DIP2C: variants seen among roughly 807,000 people sequenced by gnomAD.
DIP2C encodes DIP2 acetate--CoA ligase C (putative).
In DIP2C, 33 loss-of-function variants were observed where a neutral mutation model predicts 192.4. The observed-to-expected ratio is 0.17, with a 90% CI of 0.13 to 0.23. The LOEUF (loss-of-function observed/expected upper bound fraction) is 0.23, where lower values mean the gene tolerates loss of function less well. DIP2C is among the 10% of genes least tolerant of loss of function. The probability of loss-of-function intolerance (pLI) is 1.00; values close to 1 mark genes in which losing one functional copy is unlikely to be tolerated. For missense variants in DIP2C, 1,537 were observed against 2,110.1 expected, an observed-to-expected ratio of 0.73 and a Z score of 5.32; for synonymous variants, 979 against 864.1, an observed-to-expected ratio of 1.13 and a Z score of -2.33.
intron 5 of DIP2C, among the ~76,000 whole-genome samples, chr10:421,394 C>T (rs1208837203): frequency 6.6e-6 from 1 of 152,182 alleles, no homozygotes; most frequent in Non-Finnish European, 1.5e-5. Context: ...TGAATAAAAT[C>T]CGAGGATACA....
chr10:351,080 C>T (rs578161807), intron 24 of DIP2C, among the ~76,000 whole-genome samples: 12 of 152,188 alleles, frequency 7.9e-5, no homozygotes, highest in Admixed American at 3.3e-4. Context: ...ACAGCGAGCC[C>T]GAGATGGCTG....
intron 1 of DIP2C, among the ~76,000 whole-genome samples, chr10:643,706 G>A (rs535409255): frequency 6.6e-6 from 1 of 152,340 alleles, no homozygotes; most frequent in African/African-American, 2.4e-5. Flanking sequence ...TCACAAGCAG[G>A]CACTGGGCCC....
chr10:277,629 A>AAT (rs1954582433), intron 36 of DIP2C, 52 bp from the exon 37 acceptor site: 2 of 1,594,588 alleles, frequency 1.3e-6, no homozygotes, highest in Non-Finnish European at 1.7e-6. Flanking sequence ...TGCTTTATTT[A>AAT]ATAGCCGTGG....
At chr10:293,110 G>A (rs1955574795) in intron 32 of DIP2C, among the ~76,000 whole-genome samples, 1 of 152,240 alleles carries the variant, frequency 6.6e-6, no homozygotes, top group African/African-American at 2.4e-5. Flanking sequence ...CTGGGGTGGG[G>A]CATCTGATGC....
Position 629,097 on chromosome 10 carries a change from G to C in DIP2C, c.85+60397C>G, listed in dbSNP as rs150271184. ...TGCCGAGGCCAGTGGGGCACTCGCT[G>C]TCTGGGTCTAAGAAAAAGAAAATAA... On this transcript the variant is annotated intron_variant, in intron 1 of 36. Transcript: ENST00000280886. Among the ~76,000 whole-genome samples the C allele has an allele frequency of 9.2e-4, 140 of 152,348 alleles. 1 individual carries two copies. The highest frequency in any genetic ancestry group is 2.4e-3 in the Admixed American group (37 of 15,306).
chr10:409,791 A>G (rs1965064948), intron 8 of DIP2C, among the ~76,000 whole-genome samples: 1 of 152,198 alleles, frequency 6.6e-6, no homozygotes, highest in African/African-American at 2.4e-5. Context: ...GTTTTTAATC[A>G]CAATCCTTGG....
rs41289249 is a variant in DIP2C, at chr10:382,824, C to T, written c.1877-63G>A. On this transcript the variant is annotated intron_variant, in intron 16 of 36. Coordinates refer to ENST00000280886, the MANE Select transcript of DIP2C (RefSeq NM_014974.3). ...CACTGTGATTGATTACAAAATCCCA[C>T]CATAGAAAATAGTTCCGAAGGTGGG... The T allele has an allele frequency of 3.4e-3, 4,279 of 1,240,996 alleles. 34 individuals carry two copies. Among genetic ancestry groups the T allele is most frequent in the Middle Eastern group, 0.016 (83 of 5,186 alleles). The allele number at this position is 1,240,996 out of a possible 1,614,324, so 76.9% of individuals were successfully genotyped here.
At chr10:384,316 G>A (rs941318807) in intron 15 of DIP2C, among the ~76,000 whole-genome samples, 170 bp from the exon 16 acceptor site, 79 of 101,042 alleles carry the variant, frequency 7.8e-4, no homozygotes, top group Admixed American at 1.8e-3. Context: ...TTGGCTCACC[G>A]CAACCTCCTT....
At chr10:326,296 G>A (rs548284902) in intron 31 of DIP2C, among the ~76,000 whole-genome samples, 1 of 152,288 alleles carries the variant, frequency 6.6e-6, no homozygotes, top group East Asian at 1.9e-4. Flanking sequence ...CTAACTCCAA[G>A]CACCTAGACA....
At chr10:398,659 A>G (rs1352313203) in intron 10 of DIP2C, among the ~76,000 whole-genome samples, 1 of 152,216 alleles carries the variant, frequency 6.6e-6, no homozygotes, top group East Asian at 1.9e-4. Flanking sequence ...ATTTCTTTAC[A>G]TTGGATTAAA....
At chr10:417,976 G>A (rs878923461) in intron 6 of DIP2C, among the ~76,000 whole-genome samples, 13 of 62,900 alleles carry the variant, frequency 2.1e-4, no homozygotes, top group East Asian at 2.1e-3. Context: ...GTCAGGGCTC[G>A]GATAGGCCTC....
chr10:328,118 C>T (rs758891226), intron 30 of DIP2C, among the ~76,000 whole-genome samples: 1 of 152,192 alleles, frequency 6.6e-6, no homozygotes, highest in Non-Finnish European at 1.5e-5. Flanking sequence ...CACGGACAAC[C>T]GACAAGGGTC....
At chr10:300,594 G>A (rs1470909478) in intron 32 of DIP2C, among the ~76,000 whole-genome samples, 1 of 151,906 alleles carries the variant, frequency 6.6e-6, no homozygotes, top group East Asian at 1.9e-4. Flanking sequence ...AACCAGGCAC[G>A]GCCCTGAGCG....
intron 1 of DIP2C, among the ~76,000 whole-genome samples, chr10:590,300 TC>T (rs1851323446): frequency 1.3e-5 from 2 of 152,250 alleles, no homozygotes; most frequent in Admixed American, 1.3e-4. Flanking sequence ...CACAGCACCT[TC>T]GAGTCAAGTG....
chr10:624,329 G>A (rs550898904), intron 1 of DIP2C, among the ~76,000 whole-genome samples: 2 of 152,288 alleles, frequency 1.3e-5, no homozygotes, highest in African/African-American at 2.4e-5. Flanking sequence ...GGGCCCTCAC[G>A]CTGCAGGTGG....
intron 10 of DIP2C, among the ~76,000 whole-genome samples, chr10:393,256 G>A (rs573643880): frequency 6.6e-6 from 1 of 152,342 alleles, no homozygotes; most frequent in East Asian, 1.9e-4. Flanking sequence ...CTGGCAGATG[G>A]AAGCAATATT....
chr10:572,267 C>T (rs1564212230), intron 1 of DIP2C, among the ~76,000 whole-genome samples: 1 of 152,252 alleles, frequency 6.6e-6, no homozygotes, highest in Non-Finnish European at 1.5e-5. Flanking sequence ...CCAAACATCT[C>T]ACTCATACTT....
Position 345,135 on chromosome 10 carries a change from G to A in DIP2C, c.3232-25C>T, listed in dbSNP as rs769534745. On this transcript the variant is annotated intron_variant, in intron 26 of 36. Transcript: ENST00000280886. Reference sequence around the variant, plus strand: ...CCTGGCATCAGAGAGCGAGAATGGAGCCATGAACGTGGACCCAGATGAAAG... The same window carrying A: ...CCTGGCATCAGAGAGCGAGAATGGAACCATGAACGTGGACCCAGATGAAAG... 29 of 1,596,314 alleles carry A rather than the reference G, an allele frequency of 1.8e-5. No individual in the cohort carries two copies. The South Asian group carries it at 3.0e-4, about 17-fold the overall frequency.
chr10:330,014 A>G (rs1957434563), intron 29 of DIP2C, among the ~76,000 whole-genome samples: 1 of 152,122 alleles, frequency 6.6e-6, no homozygotes, highest in Non-Finnish European at 1.5e-5. Flanking sequence ...GTTTTTGTAA[A>G]TAAAGTTTTA....
Sources: allele counts gnomAD v4.1 joint callset (sites outside exome capture counted in the v4.1 genomes callset), GRCh38; gene constraint gnomAD v4.1.1; transcripts MANE v1.5; gene names NCBI Gene and HGNC (gene_info 2026-07-23, HGNC 2026-07-21).